TNFRSF1B: variants seen among roughly 807,000 people sequenced by gnomAD.
TNFRSF1B encodes TNF receptor superfamily member 1B, also known as tumor necrosis factor receptor superfamily member 1B.
Under a neutral mutation model 44.6 loss-of-function variants are expected in TNFRSF1B, and 19 were observed. The ratio of observed to expected loss-of-function variants is 0.43; its 90% CI spans 0.30 to 0.62. The LOEUF (loss-of-function observed/expected upper bound fraction) is 0.62. Ranked by LOEUF, TNFRSF1B falls within the 20% of genes least tolerant of loss-of-function variation. TNFRSF1B has a pLI of 0.16. For missense variants in TNFRSF1B, 541 were observed against 619.9 expected (o/e 0.87, Z 1.35); for synonymous variants, 252 against 261.1 (o/e 0.97, Z 0.34).
chr1:12,197,334 GA>G (rs1030741571), intron 8 of TNFRSF1B, among the ~76,000 whole-genome samples: 3 of 152,072 alleles, frequency 2.0e-5, no homozygotes, highest in African/African-American at 7.2e-5. Flanking sequence ...GTCTAGTGCA[GA>G]AAAAAACCCC....
rs1279705111 is a variant in TNFRSF1B at position 12,187,603 on chromosome 1, C to T, written c.79-1193C>T. 6.6e-6 allele frequency among the ~76,000 whole-genome samples: 1 copy of T among 152,250 alleles called. No homozygotes were observed. Among genetic ancestry groups the T allele is most frequent in the African/African-American group, 2.4e-5 (1 of 41,472 alleles). On this transcript the variant is annotated intron_variant, in intron 1 of 9. Transcript: ENST00000376259. The surrounding 1 kb of genome is among the most constrained non-coding windows in gnomAD (Gnocchi z 5.5). Reference sequence around the variant, plus strand: ...TCTGGGACCTTGGGCAGGTGACCTGCCCTCTCAGGCCTCGGTTTCCTGTTC... The same window carrying T: ...TCTGGGACCTTGGGCAGGTGACCTGTCCTCTCAGGCCTCGGTTTCCTGTTC...
At chr1:12,202,392 G>T (rs1029059393) in intron 9 of TNFRSF1B, among the ~76,000 whole-genome samples, 3 of 152,222 alleles carry the variant, frequency 2.0e-5, no homozygotes, top group African/African-American at 7.2e-5. Context: ...ACCCCAGCTT[G>T]TCCAAGTCCC....
Position 12,192,491 on chromosome 1 carries a change from C to T in TNFRSF1B, c.518C>T (p.Thr173Ile). The T allele has an allele frequency of 1.2e-6, 2 of 1,614,170 alleles. No homozygotes were observed. The highest frequency in any genetic ancestry group is 1.7e-6 in the Non-Finnish European group (2 of 1,180,018). Residue 173 changes from threonine (T) to isoleucine (I), a missense_variant, in exon 5 of 10, where the codon ACT (threonine) becomes ATT (isoleucine). Coordinates refer to ENST00000376259, the MANE Select transcript of TNFRSF1B (RefSeq NM_001066.3). Reference sequence around the variant, plus strand: ...GCCCCGGGGACGTTCTCCAACACGACTTCATCCACGGATATTTGCAGGCCC... The same window carrying T: ...GCCCCGGGGACGTTCTCCAACACGATTTCATCCACGGATATTTGCAGGCCC... ...PCAPGTFSNTTSSTDICRPHQ... is the reference protein window; with the variant it reads ...PCAPGTFSNTISSTDICRPHQ...
intron 1 of TNFRSF1B, among the ~76,000 whole-genome samples, chr1:12,184,564 A>C (rs1254557085): frequency 6.6e-6 from 1 of 152,088 alleles, no homozygotes; most frequent in Non-Finnish European, 1.5e-5. Flanking sequence ...AGGAACCTGG[A>C]GGGGAGGAGG....
intron 1 of TNFRSF1B, among the ~76,000 whole-genome samples, chr1:12,185,757 A>T (rs1638972298): frequency 6.6e-6 from 1 of 152,170 alleles, no homozygotes. Flanking sequence ...ACAGGAAAGG[A>T]CATTGTAACC....
At position 12,192,461 on chromosome 1, in the gene TNFRSF1B, C is replaced by A. The variant is rs767782313; in HGVS notation, c.488C>A (p.Pro163His). ...GTETSDVVCK[P>H]CAPGTFSNTT... ...GAAACATCAGACGTGGTGTGCAAGC[C>A]CTGTGCCCCGGGGACGTTCTCCAAC... Residue 163 changes from proline (P) to histidine (H), a missense_variant, in exon 5 of 10, where the codon CCC (proline) becomes CAC (histidine). Transcript: ENST00000376259. The A allele has an allele frequency of 3.7e-6, 6 of 1,614,094 alleles. No individual in the cohort carries two copies. The highest frequency in any genetic ancestry group is 1.3e-5 in the African/African-American group (1 of 74,996).
At position 12,187,217 on chromosome 1, in the gene TNFRSF1B, G is replaced by C. The variant is rs1639007154; in HGVS notation, c.79-1579G>C. ...AATTAGGCTGGAAGTGCAGTGGCAT[G>C]ATCTCAGCTCACTGCAACCTCCTCC... On this transcript the variant is annotated intron_variant, in intron 1 of 9. Transcript: ENST00000376259. The surrounding 1 kb of genome is among the most constrained non-coding windows in gnomAD (Gnocchi z 5.5). 6.6e-6 allele frequency among the ~76,000 whole-genome samples: 1 copy of C among 150,480 alleles called. No individual in the cohort carries two copies. Among genetic ancestry groups the C allele is most frequent in the Non-Finnish European group, 1.5e-5 (1 of 67,740 alleles).
chr1:12,202,259 T>G, intron 9 of TNFRSF1B, 88 bp downstream of exon 9: 2 of 1,497,030 alleles, frequency 1.3e-6, no homozygotes, highest in South Asian at 2.5e-5. Context: ...CTCCTGAGCC[T>G]CCCCGCAGGG....
At chr1:12,181,572 C>T (rs968890594) in intron 1 of TNFRSF1B, among the ~76,000 whole-genome samples, 1 of 152,116 alleles carries the variant, frequency 6.6e-6, no homozygotes, top group Non-Finnish European at 1.5e-5. Context: ...GAGCATGCCA[C>T]GCACCTCTCC....
At chr1:12,204,811 C>CAA (rs1553165595) in intron 9 of TNFRSF1B, among the ~76,000 whole-genome samples, 1,607 of 145,826 alleles carry the variant, frequency 0.011, 28 homozygotes, top group African/African-American at 0.037. Flanking sequence ...ACCACCACCA[C>CAA]CACCAACAAA....
At chr1:12,183,691 T>C (rs866391216) in intron 1 of TNFRSF1B, among the ~76,000 whole-genome samples, 1 of 128,742 alleles carries the variant, frequency 7.8e-6, no homozygotes, top group Non-Finnish European at 1.7e-5. Flanking sequence ...TATCTATCTA[T>C]CTATCTATCT....
intron 1 of TNFRSF1B, among the ~76,000 whole-genome samples, chr1:12,184,973 G>A (rs999312439): frequency 3.3e-5 from 5 of 152,158 alleles, no homozygotes; most frequent in Admixed American, 2.6e-4. Context: ...AGGCAGCTGT[G>A]TCTGGGAGGC....
At chr1:12,191,563 T>TA in intron 3 of TNFRSF1B, 1 of 628,582 alleles carries the variant, frequency 1.6e-6, no homozygotes, top group South Asian at 1.9e-5. Flanking sequence ...CTGCGGAGAG[T>TA]AGCGGGACTG....
intron 1 of TNFRSF1B, among the ~76,000 whole-genome samples, chr1:12,172,262 T>G (rs964066283): frequency 1.3e-5 from 2 of 152,204 alleles, no homozygotes; most frequent in Non-Finnish European, 2.9e-5. Context: ...CACTGATGAC[T>G]CTGGGGAAAG....
Position 12,180,715 on chromosome 1 carries a change from G to A in TNFRSF1B, c.79-8081G>A, listed in dbSNP as rs1046220519. On this transcript the variant is annotated intron_variant, in intron 1 of 9. Coordinates refer to ENST00000376259, the MANE Select transcript of TNFRSF1B (RefSeq NM_001066.3). The surrounding 1 kb of genome is among the most constrained non-coding windows in gnomAD (Gnocchi z 4.3). Reference sequence around the variant, plus strand: ...TCAGAAGAGAGGGGACGGTGTGCAGGGAGGGTGGAACCTGACTGACCGGGT... The same window carrying A: ...TCAGAAGAGAGGGGACGGTGTGCAGAGAGGGTGGAACCTGACTGACCGGGT... Among the ~76,000 whole-genome samples, 3 of 152,198 alleles carry A rather than the reference G, an allele frequency of 2.0e-5. No individual in the cohort carries two copies. The highest frequency in any genetic ancestry group is 2.9e-5 in the Non-Finnish European group (2 of 68,028).
chr1:12,185,164 G>T (rs1430782108), intron 1 of TNFRSF1B, among the ~76,000 whole-genome samples: 2 of 152,208 alleles, frequency 1.3e-5, no homozygotes, highest in Non-Finnish European at 2.9e-5. Flanking sequence ...TGGGTTAGGG[G>T]CTCCCACAGC....
intron 8 of TNFRSF1B, among the ~76,000 whole-genome samples, chr1:12,197,854 C>G (rs1012917319): frequency 2.0e-5 from 3 of 152,128 alleles, no homozygotes; most frequent in Non-Finnish European, 2.9e-5. Context: ...GGCCGGGCGC[C>G]ATGGCTCACG....
chr1:12,192,810 C>A, intron 5 of TNFRSF1B, 53 bp from the exon 6 acceptor site: 1 of 1,500,810 alleles, frequency 6.7e-7, no homozygotes, highest in Admixed American at 1.8e-5. Context: ...AGCCCAGCCA[C>A]CCCAGCCACT....
rs1638996592 is a variant in TNFRSF1B, at chr1:12,186,758, G to C, written c.79-2038G>C. Among the ~76,000 whole-genome samples the C allele has an allele frequency of 6.6e-6, 1 of 152,210 alleles. No homozygotes were observed. Among genetic ancestry groups the C allele is most frequent in the African/African-American group, 2.4e-5 (1 of 41,468 alleles). ...CGCCAGCCCTGGCTCTGACCTCCTA[G>C]AACTGCCCTTTGTTCATTTCCAGGT... On this transcript the variant is annotated intron_variant, in intron 1 of 9. Transcript: ENST00000376259. The surrounding 1 kb of genome is among the most constrained non-coding windows in gnomAD (Gnocchi z 4.8).
Sources: allele counts gnomAD v4.1 joint callset (sites outside exome capture counted in the v4.1 genomes callset), GRCh38; gene constraint gnomAD v4.1.1; non-coding constraint Gnocchi (gnomAD v3.1); transcripts MANE v1.5; gene names NCBI Gene and HGNC (gene_info 2026-07-23, HGNC 2026-07-21).